The following GADD45A variants were observed in gnomAD, a reference collection of about 807,000 sequenced individuals.
GADD45A encodes growth arrest and DNA damage-inducible protein GADD45 alpha.
Under a neutral mutation model 17.7 loss-of-function variants are expected in GADD45A, and 9 were observed. The ratio of observed to expected loss-of-function variants is 0.51; its 90% CI spans 0.31 to 0.89. The LOEUF (loss-of-function observed/expected upper bound fraction) is 0.89, where lower values mean the gene tolerates loss of function less well. GADD45A is among the 40% of genes least tolerant of loss of function. The pLI, the probability that GADD45A is intolerant of heterozygous loss-of-function variation, is 0.05. For missense variants in GADD45A, 149 were observed against 220.6 expected, an observed-to-expected ratio of 0.68 and a Z score of 2.06; for synonymous variants, 95 against 92.2, an observed-to-expected ratio of 1.03 and a Z score of -0.17.
At position 67,686,459 on chromosome 1, in the gene GADD45A, G is replaced by C. The variant is rs752321212; in HGVS notation, c.256G>C (p.Asp86His). The change falls in exon 3 of 4, where the codon GAC (aspartate) becomes CAC (histidine). Residue 86 changes from aspartate to histidine, a missense_variant. By Grantham distance (81) the Asp-to-His change is moderately conservative. Transcript: ENST00000370986. Reference sequence around the variant, plus strand: ...GATCCAGGCGTTTTGCTGCGAGAACGACATCAACATCCTGCGCGTCAGCAA... The same window carrying C: ...GATCCAGGCGTTTTGCTGCGAGAACCACATCAACATCCTGCGCGTCAGCAA... ...TLIQAFCCEN[D>H]INILRVSNPG... is the part of the protein sequence containing the mutation. The C allele has an allele frequency of 1.9e-6, 3 of 1,613,862 alleles. No homozygotes were observed. Among genetic ancestry groups the C allele is most frequent in the Non-Finnish European group, 2.5e-6 (3 of 1,179,866 alleles).
intron 1 of GADD45A, 176 bp downstream of exon 1, chr1:67,685,714 G>GC (rs1210129248): frequency 1.0e-5 from 7 of 681,260 alleles, no homozygotes; most frequent in South Asian, 3.7e-5. Flanking sequence ...GAAAGAGCGT[G>GC]CCCCCCAACC....
chr1:67,685,565 C>A, intron 1 of GADD45A, 27 bp downstream of exon 1: 1 of 1,592,848 alleles, frequency 6.3e-7, no homozygotes, highest in East Asian at 2.3e-5. Flanking sequence ...ACTCTTCCGG[C>A]CCGAACTTCT....
chr1:67,686,647 C>G lies in GADD45A; in HGVS notation c.384+60C>G, dbSNP rs530412054. The G allele has an allele frequency of 2.8e-6, 4 of 1,431,004 alleles. No individual in the cohort carries two copies. The East Asian group carries it at 9.7e-5, about 35-fold the overall frequency. The allele number at this position is 1,431,004 out of a possible 1,614,324, so 88.6% of individuals were successfully genotyped here. On this transcript the variant is annotated intron_variant, in intron 3 of 3. Transcript: ENST00000370986. ...AGCCCCGGAAGGACGGGAGTCAGGGCTGGGTTGCCTGATTGTGGATCTGTG... is the reference window on the plus strand; with the variant it reads ...AGCCCCGGAAGGACGGGAGTCAGGGGTGGGTTGCCTGATTGTGGATCTGTG...
Position 67,685,386 on chromosome 1 carries a change from C to G in GADD45A, c.-109C>G. 1 of 1,051,964 alleles carries G rather than the reference C, an allele frequency of 9.5e-7. No individual in the cohort carries two copies. Among genetic ancestry groups the G allele is most frequent in the Admixed American group, 2.1e-5 (1 of 46,912 alleles). 65.2% of individuals were successfully genotyped at this position (1,051,964 alleles called of 1,614,324 possible). ...CCGGAGAGCGCCAGGGCCTGAGCTG[C>G]CGGAGCGGCGCCTGTGAGTGAGTGC... On this transcript the variant is annotated 5_prime_UTR_variant, in exon 1 of 4. Transcript: ENST00000370986.
At chr1:67,687,020 A>G (rs569197843) in intron 3 of GADD45A, among the ~76,000 whole-genome samples, 51 of 152,310 alleles carry the variant, frequency 3.3e-4, no homozygotes, top group African/African-American at 1.1e-3. Context: ...TTCCCTAGAA[A>G]TACATTAAGA....
In GADD45A at chr1:67,686,541, G is replaced by A. The variant is rs1050407123; in HGVS notation, c.338G>A (p.Ser113Asn). ...GAGACCGACGCTGGCCCCGCGGCGA[G>A]CGAGGGCGCCGAGCAGCCCCCGGAC... ...LLETDAGPAASEGAEQPPDLH... is the reference protein window; with the variant it reads ...LLETDAGPAANEGAEQPPDLH... Residue 113 changes from serine (S) to asparagine (N), a missense_variant, in exon 3 of 4, where the codon AGC becomes AAC. By Grantham distance (46) the Ser-to-Asn change is conservative. Transcript: ENST00000370986. The A allele has an allele frequency of 6.2e-7, 1 of 1,612,286 alleles. No individual in the cohort carries two copies. The highest frequency in any genetic ancestry group is 1.3e-5 in the African/African-American group (1 of 74,904).
In GADD45A at chr1:67,686,586, C is replaced by A. The variant is rs780887467; in HGVS notation, c.383C>A (p.Thr128Lys). 6.2e-7 allele frequency: 1 copy of A among 1,608,738 alleles called. No homozygotes were observed. Among genetic ancestry groups the A allele is most frequent in the Non-Finnish European group, 8.5e-7 (1 of 1,177,068 alleles). ...QPPDLHCVLV[T>K]NPHSSQWKDP... ...CCGGACCTGCACTGCGTGCTGGTGA[C>A]GGTAAGGGACTGGGGGACTGCAGCC... The change falls in exon 3 of 4, where the codon ACG becomes AAG. Residue 128 changes from threonine to lysine, a missense_variant and splice_region_variant. Coordinates refer to ENST00000370986, the MANE Select transcript of GADD45A (RefSeq NM_001924.4).
At chr1:67,686,223 C>T in intron 2 of GADD45A, 97 bp downstream of exon 2, 3 of 1,375,196 alleles carry the variant, frequency 2.2e-6, no homozygotes, top group African/African-American at 1.5e-5. Context: ...CGCGCCACTT[C>T]CTGTCGCTTT....
chr1:67,686,363 G>A lies in GADD45A; in HGVS notation c.160G>A (p.Val54Met). 6.2e-7 allele frequency: 1 copy of A among 1,612,916 alleles called. No homozygotes were observed. Among genetic ancestry groups the A allele is most frequent in the Non-Finnish European group, 8.5e-7 (1 of 1,179,480 alleles). ...CGCTGCCCCCAGCGACCCCGATAAC[G>A]TGGTGTTGTGCCTGCTGGCGGCGGA... ...AKLLNVDPDN[V>M]VLCLLAADED... The change falls in exon 3 of 4, where the codon GTG (valine) becomes ATG (methionine). Residue 54 changes from valine (V) to methionine (M), a missense_variant. Val to Met is a conservative substitution (Grantham distance 21, BLOSUM62 1). Coordinates refer to ENST00000370986, the MANE Select transcript of GADD45A (RefSeq NM_001924.4).
chr1:67,687,249 T>C (rs1646141077), intron 3 of GADD45A, among the ~76,000 whole-genome samples: 1 of 152,234 alleles, frequency 6.6e-6, no homozygotes, highest in Admixed American at 6.5e-5. Context: ...TCTTGGAGTA[T>C]GGTTGATGGC....
chr1:67,686,697 T>C (rs1168811738), intron 3 of GADD45A, 110 bp downstream of exon 3: 5 of 887,840 alleles, frequency 5.6e-6, no homozygotes, highest in African/African-American at 3.4e-5. Context: ...GGAGGGTGGC[T>C]GCCTTTGTCC....
At chr1:67,686,196 G>A (rs1187834068) in intron 2 of GADD45A, 70 bp downstream of exon 2, 6 of 1,421,098 alleles carry the variant, frequency 4.2e-6, no homozygotes, top group Non-Finnish European at 5.8e-6. Flanking sequence ...GCCTTGGCTG[G>A]GCGCCCCTCG....
intron 1 of GADD45A, chr1:67,685,766 C>T: frequency 5.0e-6 from 3 of 598,276 alleles, no homozygotes; most frequent in Non-Finnish European, 8.8e-6. Context: ...GCAGCAGTGG[C>T]CGTCGCTGCC....
chr1:67,685,284 G>A lies in GADD45A; in HGVS notation c.-211G>A, dbSNP rs1042919518. On this transcript the variant is annotated 5_prime_UTR_variant, in exon 1 of 4. Coordinates refer to ENST00000370986, the MANE Select transcript of GADD45A (RefSeq NM_001924.4). ...GCGAGGCGAGGTCCGGGGAGCGAGC[G>A]AGCAAGCAAGGCGGGAGGGGTGGCC... The A allele has an allele frequency of 1.3e-5, 7 of 519,030 alleles. No individual in the cohort carries two copies. Among genetic ancestry groups the A allele is most frequent in the Admixed American group, 4.2e-5 (1 of 23,854 alleles). 32.2% of individuals were successfully genotyped at this position (519,030 alleles called of 1,614,324 possible). A position where few individuals can be genotyped will look rare whatever the true frequency, so the allele number is the denominator to read the frequency against.
intron 3 of GADD45A, among the ~76,000 whole-genome samples, chr1:67,686,962 C>T (rs1646139093): frequency 6.6e-6 from 1 of 152,178 alleles, no homozygotes; most frequent in Non-Finnish European, 1.5e-5. Flanking sequence ...TCATTCTCTG[C>T]CAGTCAGAGC....
At position 67,686,577 on chromosome 1, in the gene GADD45A, T is replaced by C. The variant is rs1646135646; in HGVS notation, c.374T>C (p.Val125Ala). 1 of 1,610,684 alleles carries C rather than the reference T, an allele frequency of 6.2e-7. No individual in the cohort carries two copies. The highest frequency in any genetic ancestry group is 8.5e-7 in the Non-Finnish European group (1 of 1,178,462). ...GAEQPPDLHC[V>A]LVTNPHSSQW... ...GAGCAGCCCCCGGACCTGCACTGCG[T>C]GCTGGTGACGGTAAGGGACTGGGGG... The change falls in exon 3 of 4, where the codon GTG becomes GCG. Residue 125 changes from valine to alanine, a missense_variant. Transcript: ENST00000370986.
rs3046000 is a variant in GADD45A, at chr1:67,687,587, TTTCTCCTCA to T, written c.385-73_385-65del. 6.5e-3 allele frequency: 5,921 copies of T among 916,474 alleles called. 231 individuals are homozygous for T. The African/African-American group carries it at 0.085, about 13-fold the overall frequency. The allele number at this position is 916,474 out of a possible 1,614,324, so 56.8% of individuals were successfully genotyped here. A position where few individuals can be genotyped will look rare whatever the true frequency, so the allele number is the denominator to read the frequency against. ...GCCAAAATATAGAATGTTCAAGTGT[TTTCTCCTCA>T]AAAGTATAATTACTAGAATATACTG... On this transcript the variant is annotated intron_variant, in intron 3 of 3. Transcript: ENST00000370986.
chr1:67,685,560 TC>T (rs1316002962), intron 1 of GADD45A, 22 bp downstream of exon 1: 2 of 1,596,834 alleles, frequency 1.3e-6, no homozygotes, highest in Non-Finnish European at 1.7e-6. Context: ...TGCGGACTCT[TC>T]CGGCCCGAAC....
chr1:67,687,666 A>T lies in GADD45A; in HGVS notation c.390A>T (p.Pro130=). The T allele has an allele frequency of 6.3e-7, 1 of 1,591,734 alleles. No individual in the cohort carries two copies. Residue 130 remains proline (P), a synonymous_variant, in exon 4 of 4, where the codon CCA becomes CCT. Transcript: ENST00000370986. The part of the protein sequence containing the change: ...PDLHCVLVTN[P]HSSQWKDPAL... The stretch of plus-strand genomic sequence containing the variant: ...TTTTATAAATTTGTTTCCAGAATCC[A>T]CATTCATCTCAATGGAAGGATCCTG...
Sources: gnomAD v4.1 joint callset for allele counts (sites outside exome capture counted in the v4.1 genomes callset) on GRCh38, gnomAD v4.1.1 for gene constraint, MANE v1.5 for transcripts, NCBI Gene and HGNC (gene_info 2026-07-23, HGNC 2026-07-21) for gene names.